Variants in GRID2 observed in about 807,000 individuals in gnomAD.
GRID2 encodes glutamate ionotropic receptor delta type subunit 2.
In GRID2, 33 loss-of-function variants were observed where a neutral mutation model predicts 114.8. That is an observed-to-expected ratio of 0.29 (90% CI 0.22 to 0.38). The LOEUF (loss-of-function observed/expected upper bound fraction) is 0.38, where lower values mean the gene tolerates loss of function less well. GRID2 is among the 10% of genes least tolerant of loss of function. GRID2 has a pLI of 1.00. For missense variants in GRID2, 1,184 were observed against 1,257.7 expected, an observed-to-expected ratio of 0.94 and a Z score of 0.89; for synonymous variants, 505 against 449.9, an observed-to-expected ratio of 1.12 and a Z score of -1.55.
intron 3 of GRID2, among the ~76,000 whole-genome samples, chr4:93,108,956 G>A (rs1271421065): frequency 6.6e-6 from 1 of 152,078 alleles, no homozygotes; most frequent in Admixed American, 6.6e-5. Context: ...AGGTATATTG[G>A]TTCTGGGGTG....
intron 2 of GRID2, among the ~76,000 whole-genome samples, chr4:92,907,130 A>T (rs966351819): frequency 3.3e-5 from 5 of 152,152 alleles, no homozygotes; most frequent in African/African-American, 1.2e-4. Context: ...ATGATCATCA[A>T]CCAGTATATG....
At chr4:93,146,714 AAT>A (rs1179851943) in intron 4 of GRID2, among the ~76,000 whole-genome samples, 1 of 151,978 alleles carries the variant, frequency 6.6e-6, no homozygotes, top group African/African-American at 2.4e-5. Flanking sequence ...AAAAAAAAAA[AAT>A]CTTATACTTA....
intron 13 of GRID2, among the ~76,000 whole-genome samples, chr4:93,520,419 T>C (rs1280488203): frequency 6.6e-6 from 1 of 151,918 alleles, no homozygotes; most frequent in Non-Finnish European, 1.5e-5. Context: ...GAAACTGATG[T>C]TTGAATGGAG....
At chr4:93,272,781 G>C (rs1034518914) in intron 8 of GRID2, among the ~76,000 whole-genome samples, 1 of 152,198 alleles carries the variant, frequency 6.6e-6, no homozygotes, top group Non-Finnish European at 1.5e-5. Flanking sequence ...TAGGGTGGCA[G>C]TCGACATGCA....
chr4:92,548,401 A>ATTTTTTTTTTTTTTTTTTTTTTTTTT lies in GRID2; in HGVS notation c.89-41712_89-41711insTTTTTTTTTTTTTTTTTTTTTTTTTT, dbSNP rs61653263. Among the ~76,000 whole-genome samples the ATTTTTTTTTTTTTTTTTTTTTTTTTT allele has an allele frequency of 1.2e-3, 75 of 60,792 alleles. 25 individuals are homozygous for ATTTTTTTTTTTTTTTTTTTTTTTTTT. Among genetic ancestry groups the ATTTTTTTTTTTTTTTTTTTTTTTTTT allele is most frequent in the African/African-American group, 5.6e-3 (66 of 11,758 alleles). The allele number at this position is 60,792 out of a possible 152,430, so 39.9% of individuals were successfully genotyped here. ...ATGAAGACATTTCTGAGACTGTGTA[A>ATTTTTTTTTTTTTTTTTTTTTTTTTT]TTTTTTTTTTTTTTTTTTGAGACAG... On this transcript the variant is annotated intron_variant, in intron 1 of 15. Coordinates refer to ENST00000282020, the MANE Select transcript of GRID2 (RefSeq NM_001510.4).
At chr4:92,493,693 C>T (rs564328870) in intron 1 of GRID2, among the ~76,000 whole-genome samples, 5 of 152,254 alleles carry the variant, frequency 3.3e-5, no homozygotes, top group South Asian at 2.1e-4. Context: ...TAGGATAAAG[C>T]GTGATTGCCA....
At chr4:92,761,183 T>TA (rs111439650) in intron 2 of GRID2, among the ~76,000 whole-genome samples, 76 of 148,420 alleles carry the variant, frequency 5.1e-4, no homozygotes, top group South Asian at 6.4e-4. Context: ...TATCCATGCT[T>TA]AAAAAAAAAA....
At chr4:92,698,480 A>G (rs1421447400) in intron 2 of GRID2, among the ~76,000 whole-genome samples, 1 of 152,094 alleles carries the variant, frequency 6.6e-6, no homozygotes. Flanking sequence ...TAATAAAAAT[A>G]GTAAATAAAC....
intron 13 of GRID2, among the ~76,000 whole-genome samples, chr4:93,518,720 G>T (rs991022758): frequency 1.3e-5 from 2 of 152,008 alleles, no homozygotes; most frequent in Admixed American, 1.3e-4. Flanking sequence ...GCCAGGGAAG[G>T]CTTCACTAAG....
chr4:92,489,975 T>C (rs142197408), intron 1 of GRID2, among the ~76,000 whole-genome samples: 196 of 152,284 alleles, frequency 1.3e-3, no homozygotes, highest in African/African-American at 4.3e-3. Flanking sequence ...TGAGGATGTG[T>C]TCCAAACAAG....
chr4:92,804,933 A>C (rs1315924433), intron 2 of GRID2, among the ~76,000 whole-genome samples: 7 of 152,036 alleles, frequency 4.6e-5, no homozygotes, highest in African/African-American at 7.2e-5. Context: ...AACTTACATT[A>C]TCCAACTTTA....
intron 1 of GRID2, among the ~76,000 whole-genome samples, chr4:92,401,345 A>G (rs1284070496): frequency 6.6e-6 from 1 of 152,136 alleles, no homozygotes; most frequent in Non-Finnish European, 1.5e-5. Context: ...CATTCTTTCA[A>G]TTGTTATTTA....
intron 3 of GRID2, among the ~76,000 whole-genome samples, chr4:93,108,002 T>G (rs1732413019): frequency 6.6e-6 from 1 of 152,186 alleles, no homozygotes; most frequent in Non-Finnish European, 1.5e-5. Context: ...GCTTCATGTC[T>G]CACTAGCTAG....
intron 2 of GRID2, among the ~76,000 whole-genome samples, chr4:93,050,463 G>A (rs1385487975): frequency 4.0e-5 from 6 of 151,644 alleles, no homozygotes; most frequent in Admixed American, 6.6e-5. Context: ...CTGGGTTGCC[G>A]TGGAAACCAT....
intron 8 of GRID2, among the ~76,000 whole-genome samples, chr4:93,250,152 A>G (rs1462138150): frequency 1.3e-5 from 2 of 152,220 alleles, no homozygotes; most frequent in Non-Finnish European, 2.9e-5. Flanking sequence ...ACACCATGCA[A>G]TACTATGCAG....
intron 1 of GRID2, among the ~76,000 whole-genome samples, chr4:92,347,293 A>T (rs538648111): frequency 6.6e-6 from 1 of 152,342 alleles, no homozygotes; most frequent in Non-Finnish European, 1.5e-5. Flanking sequence ...CCCTGAAATT[A>T]TAAAGTGTGT....
At chr4:92,791,771 C>A (rs573435795) in intron 2 of GRID2, among the ~76,000 whole-genome samples, 1 of 151,906 alleles carries the variant, frequency 6.6e-6, no homozygotes, top group African/African-American at 2.4e-5. Flanking sequence ...GTAACCCTTT[C>A]TTTAGGCAGA....
intron 2 of GRID2, among the ~76,000 whole-genome samples, chr4:92,770,263 T>C (rs1429400486): frequency 6.6e-6 from 1 of 152,212 alleles, no homozygotes; most frequent in Non-Finnish European, 1.5e-5. Context: ...CTCATCTCTA[T>C]CTGAGACTAC....
chr4:93,322,246 T>A (rs555379306), intron 8 of GRID2, among the ~76,000 whole-genome samples: 4 of 152,194 alleles, frequency 2.6e-5, no homozygotes, highest in African/African-American at 9.6e-5. Context: ...CCTTCCTGTG[T>A]CCAACTGTTC....
Sources: allele counts gnomAD v4.1 joint callset (sites outside exome capture counted in the v4.1 genomes callset), GRCh38; gene constraint gnomAD v4.1.1; transcripts MANE v1.5; gene names NCBI Gene and HGNC (gene_info 2026-07-23, HGNC 2026-07-21).